The following MBOAT2 variants were observed in gnomAD, a reference collection of about 807,000 sequenced individuals.
MBOAT2 encodes the protein membrane bound glycerophospholipid O-acyltransferase 2.
In MBOAT2, 28 loss-of-function variants were observed where a neutral mutation model predicts 63.4. The observed-to-expected ratio is 0.44, with a 90% CI of 0.33 to 0.61. The LOEUF (loss-of-function observed/expected upper bound fraction) is 0.61, where lower values mean the gene tolerates loss of function less well. Ranked by LOEUF, MBOAT2 falls within the 20% of genes least tolerant of loss-of-function variation. The pLI is 0.03. For synonymous variants in MBOAT2, 211 were observed against 215.6 expected (o/e 0.98, Z 0.19); for missense variants, 470 against 605.8 (o/e 0.78, Z 2.35).
chr2:8,975,214 T>A (rs2103321096), intron 1 of MBOAT2, among the ~76,000 whole-genome samples: 2 of 152,274 alleles, frequency 1.3e-5, no homozygotes, highest in Middle Eastern at 6.8e-3. Context: ...CCTCGTTTCC[T>A]CCTGGATCTC....
intron 12 of MBOAT2, among the ~76,000 whole-genome samples, chr2:8,859,973 A>T (rs1411438058): frequency 6.6e-6 from 1 of 152,144 alleles, no homozygotes; most frequent in Non-Finnish European, 1.5e-5. Flanking sequence ...TCACGAGGTC[A>T]GGAGCCTCAA....
At chr2:8,886,605 T>C (rs151095255) in intron 5 of MBOAT2, among the ~76,000 whole-genome samples, 416 of 152,318 alleles carry the variant, frequency 2.7e-3, no homozygotes, top group African/African-American at 7.2e-3. Context: ...TTAAAGTGTA[T>C]GAACTCCTCA....
At chr2:8,942,755 C>G (rs900082283) in intron 3 of MBOAT2, among the ~76,000 whole-genome samples, 1 of 152,204 alleles carries the variant, frequency 6.6e-6, no homozygotes, top group Non-Finnish European at 1.5e-5. Context: ...TTCTAACTCT[C>G]TCTCCAGTCT....
intron 12 of MBOAT2, among the ~76,000 whole-genome samples, chr2:8,860,281 A>G (rs896691083): frequency 1.3e-5 from 2 of 152,178 alleles, no homozygotes; most frequent in African/African-American, 4.8e-5. Context: ...GTTTTTTGTT[A>G]AATTTAGGAG....
chr2:8,929,472 C>T (rs961946606), intron 3 of MBOAT2, among the ~76,000 whole-genome samples: 3 of 152,106 alleles, frequency 2.0e-5, no homozygotes, highest in Non-Finnish European at 4.4e-5. Flanking sequence ...CGGCCTCAGC[C>T]CCCCAAGTAG....
At chr2:8,938,689 T>C (rs543511619) in intron 3 of MBOAT2, among the ~76,000 whole-genome samples, 74 of 149,856 alleles carry the variant, frequency 4.9e-4, no homozygotes, top group Non-Finnish European at 9.3e-4. Context: ...CATGCCACCA[T>C]GTTTCATGCT....
intron 2 of MBOAT2, among the ~76,000 whole-genome samples, chr2:8,951,539 C>T (rs1488430691): frequency 6.6e-6 from 1 of 152,114 alleles, no homozygotes; most frequent in Non-Finnish European, 1.5e-5. Context: ...TAGAAATCAG[C>T]TGTGAATCTA....
At chr2:8,906,323 T>C (rs536304486) in intron 4 of MBOAT2, among the ~76,000 whole-genome samples, 1 of 152,370 alleles carries the variant, frequency 6.6e-6, no homozygotes, top group Admixed American at 6.5e-5. Context: ...ATGCTCTTAA[T>C]GTCAATTGTC....
chr2:8,982,627 C>G (rs1196855480), intron 1 of MBOAT2, among the ~76,000 whole-genome samples: 1 of 152,150 alleles, frequency 6.6e-6, no homozygotes, highest in Non-Finnish European at 1.5e-5. Context: ...CCATCTACTT[C>G]CAGTGGATAT....
intron 12 of MBOAT2, among the ~76,000 whole-genome samples, chr2:8,859,999 G>C (rs1042732511): frequency 6.6e-6 from 1 of 151,946 alleles, no homozygotes; most frequent in Non-Finnish European, 1.5e-5. Context: ...GCCTGGCCAA[G>C]ATGGTGAAAC....
chr2:8,870,129 A>T (rs1424888083), intron 8 of MBOAT2, among the ~76,000 whole-genome samples: 2 of 152,196 alleles, frequency 1.3e-5, no homozygotes, highest in Non-Finnish European at 2.9e-5. Context: ...ATAACTGACC[A>T]TTAACATCAA....
Position 8,860,613 on chromosome 2 carries a change from C to G in MBOAT2, c.1337G>C (p.Ser446Thr). Reference sequence around the variant, plus strand: ...ACAAAGTTTTAAGAGTAACACTTACCTGTAAAACGTGAGTGATGGTTTTAT... The same window carrying G: ...ACAAAGTTTTAAGAGTAACACTTACGTGTAAAACGTGAGTGATGGTTTTAT... ...LSIKPSLTFY[S>T]SWYYCLHILG... Residue 446 changes from serine to threonine, a missense_variant and splice_region_variant, in exon 12 of 13, where the codon AGC (serine) becomes ACC (threonine). This residue lies in a region of MBOAT2 where 90 missense variants were observed against 84.9 expected (regional missense o/e 1.06). Coordinates refer to ENST00000305997, the MANE Select transcript of MBOAT2 (RefSeq NM_138799.4). 1 of 1,611,740 alleles carries G rather than the reference C, an allele frequency of 6.2e-7. No homozygotes were observed. Among genetic ancestry groups the G allele is most frequent in the East Asian group, 2.2e-5 (1 of 44,752 alleles).
chr2:8,879,485 T>C (rs1662948092), intron 6 of MBOAT2, among the ~76,000 whole-genome samples: 1 of 152,214 alleles, frequency 6.6e-6, no homozygotes, highest in Non-Finnish European at 1.5e-5. Context: ...CTAATTGTAA[T>C]GTATAATATC....
At chr2:8,906,068 C>G (rs1017107358) in intron 4 of MBOAT2, among the ~76,000 whole-genome samples, 1 of 152,172 alleles carries the variant, frequency 6.6e-6, no homozygotes, top group Non-Finnish European at 1.5e-5. Context: ...AGCAACTCTT[C>G]CCACCTCAGC....
intron 5 of MBOAT2, among the ~76,000 whole-genome samples, chr2:8,883,236 C>T (rs773413360): frequency 7.2e-5 from 11 of 151,926 alleles, no homozygotes; most frequent in Non-Finnish European, 1.2e-4. Flanking sequence ...AGAACCAAAG[C>T]TAAAGCAATT....
At chr2:8,970,736 A>C (rs375194802) in intron 1 of MBOAT2, among the ~76,000 whole-genome samples, 1 of 152,240 alleles carries the variant, frequency 6.6e-6, no homozygotes, top group East Asian at 1.9e-4. Context: ...AGAGAATACT[A>C]TAAACACCTC....
chr2:8,993,412 G>C (rs763881219), intron 1 of MBOAT2, among the ~76,000 whole-genome samples: 108 of 152,254 alleles, frequency 7.1e-4, no homozygotes, highest in Non-Finnish European at 1.5e-3. Flanking sequence ...CAGACCAGCT[G>C]CAAGAGAAAG....
chr2:8,959,052 C>A (rs545358788), intron 1 of MBOAT2, among the ~76,000 whole-genome samples: 1 of 152,168 alleles, frequency 6.6e-6, no homozygotes, highest in Non-Finnish European at 1.5e-5. Context: ...TTCGCAAAAG[C>A]TCTGGGAGGG....
At chr2:8,923,670 G>A (rs1666739150) in intron 3 of MBOAT2, among the ~76,000 whole-genome samples, 1 of 152,094 alleles carries the variant, frequency 6.6e-6, no homozygotes, top group African/African-American at 2.4e-5. Context: ...CTGACACCCT[G>A]GTAGCATTAC....
Sources: allele counts gnomAD v4.1 joint callset (sites outside exome capture counted in the v4.1 genomes callset), GRCh38; gene constraint gnomAD v4.1.1; regional missense constraint gnomAD v4.1.1; transcripts MANE v1.5; gene names NCBI Gene and HGNC (gene_info 2026-07-23, HGNC 2026-07-21).